The following DPP6 variants were observed in gnomAD, a reference collection of about 807,000 sequenced individuals.
DPP6 encodes A-type potassium channel modulatory protein DPP6.
DPP6 carries 69 observed loss-of-function variants against 122.6 expected under a neutral mutation model. The observed-to-expected ratio is 0.56, with a 90% CI of 0.46 to 0.69. The LOEUF (loss-of-function observed/expected upper bound fraction) is 0.69, where lower values mean the gene tolerates loss of function less well. Among genes scored for constraint, DPP6 ranks in the 30% least tolerant of loss-of-function variants. The probability of loss-of-function intolerance (pLI) is 0.00; values close to 1 mark genes in which losing one functional copy is unlikely to be tolerated. For synonymous variants in DPP6, 418 were observed against 433.1 expected, an observed-to-expected ratio of 0.97 and a Z score of 0.43; for missense variants, 928 against 1,116.9, an observed-to-expected ratio of 0.83 and a Z score of 2.41.
intron 1 of DPP6, among the ~76,000 whole-genome samples, chr7:154,209,974 A>C (rs1799653959): frequency 6.6e-6 from 1 of 152,170 alleles, no homozygotes; most frequent in South Asian, 2.1e-4. Context: ...AGAGACATCC[A>C]AGTGAGGAAG....
intron 14 of DPP6, 54 bp from the exon 15 acceptor site, chr7:154,804,863 G>T: frequency 2.6e-6 from 4 of 1,567,764 alleles, no homozygotes; most frequent in East Asian, 2.4e-5. Context: ...GGAATGTGAA[G>T]TGCAGACGTG....
chr7:153,987,854 T>C (rs1477458522), intron 1 of DPP6, among the ~76,000 whole-genome samples: 1 of 152,206 alleles, frequency 6.6e-6, no homozygotes, highest in Middle Eastern at 3.4e-3. Flanking sequence ...GGGGCCTTCG[T>C]CTGGGAAACT....
At chr7:154,427,376 ATTCTC>A (rs1818001207) in intron 1 of DPP6, among the ~76,000 whole-genome samples, 1 of 152,192 alleles carries the variant, frequency 6.6e-6, no homozygotes, top group Non-Finnish European at 1.5e-5. Flanking sequence ...TGATGCATGT[ATTCTC>A]TTTATTCTGT....
intron 1 of DPP6, among the ~76,000 whole-genome samples, chr7:154,218,090 T>A (rs1800102969): frequency 6.6e-6 from 1 of 152,196 alleles, no homozygotes; most frequent in Admixed American, 6.6e-5. Flanking sequence ...TTAAAATCCA[T>A]CCACCATCGT....
At chr7:154,003,793 G>A (rs1797787945) in intron 1 of DPP6, among the ~76,000 whole-genome samples, 1 of 152,134 alleles carries the variant, frequency 6.6e-6, no homozygotes, top group East Asian at 1.9e-4. Context: ...CCTGGGACTG[G>A]GAGGCATGGT....
chr7:154,820,732 A>G (rs1282865090), intron 16 of DPP6, among the ~76,000 whole-genome samples: 2 of 152,218 alleles, frequency 1.3e-5, no homozygotes. Flanking sequence ...TAGAGGCTTT[A>G]GAAGGAGAGA....
the DPP6 span, among the ~76,000 whole-genome samples, chr7:153,839,464 C>T: frequency 6.6e-6 from 1 of 152,170 alleles, no homozygotes; most frequent in Non-Finnish European, 1.5e-5. Context: ...GGACCCTGAA[C>T]GCTAACCAGA....
At chr7:154,781,024 G>A (rs148066259) in intron 10 of DPP6, among the ~76,000 whole-genome samples, 86 of 152,116 alleles carry the variant, frequency 5.7e-4, no homozygotes, top group African/African-American at 2.0e-3. Context: ...GTGGATGGAC[G>A]GATAGATGGA....
rs76850707 is a variant in DPP6, at chr7:154,396,167, G to A, written c.244-50047G>A. Among the ~76,000 whole-genome samples, 1,369 of 152,212 alleles carry A rather than the reference G, an allele frequency of 9.0e-3. 16 individuals carry two copies. The highest frequency in any genetic ancestry group is 0.03 in the African/African-American group (1,239 of 41,522). Reference sequence around the variant, plus strand: ...AACAATGATTATGTGCTTACTATGTGCATGACACTGTGCAAAACAATTCAT... The same window carrying A: ...AACAATGATTATGTGCTTACTATGTACATGACACTGTGCAAAACAATTCAT... On this transcript the variant is annotated intron_variant, in intron 1 of 25. Transcript: ENST00000377770.
In DPP6 at chr7:154,063,146, A is replaced by G. The variant is rs377691365; in HGVS notation, c.243+10083A>G. ...GGAGGCACCCCCCACGAGAGTGGGGACTGAGAGCTATCCCCTTTTCCGCCC... is the reference window on the plus strand; with the variant it reads ...GGAGGCACCCCCCACGAGAGTGGGGGCTGAGAGCTATCCCCTTTTCCGCCC... On this transcript the variant is annotated intron_variant, in intron 1 of 25. Transcript: ENST00000377770. Among the ~76,000 whole-genome samples the G allele has an allele frequency of 3.2e-4, 37 of 114,380 alleles. 4 individuals carry two copies. The highest frequency in any genetic ancestry group is 2.0e-3 in the Admixed American group (21 of 10,568). 75.0% of individuals were successfully genotyped at this position (114,380 alleles called of 152,430 possible). A position where few individuals can be genotyped will look rare whatever the true frequency, so the allele number is the denominator to read the frequency against.
chr7:154,553,136 C>T (rs1289480213), intron 4 of DPP6, among the ~76,000 whole-genome samples: 3 of 152,214 alleles, frequency 2.0e-5, no homozygotes, highest in Non-Finnish European at 4.4e-5. Flanking sequence ...ATAAACAAAA[C>T]ATCGACAGTG....
At chr7:154,665,047 C>T (rs1221002911) in intron 6 of DPP6, among the ~76,000 whole-genome samples, 2 of 152,182 alleles carry the variant, frequency 1.3e-5, no homozygotes, top group Non-Finnish European at 1.5e-5. Flanking sequence ...TCTTAGCACC[C>T]TCCAGTCTAT....
At chr7:154,702,833 T>A (rs1007817024) in intron 7 of DPP6, among the ~76,000 whole-genome samples, 1 of 152,254 alleles carries the variant, frequency 6.6e-6, no homozygotes, top group Non-Finnish European at 1.5e-5. Flanking sequence ...AACAGATTTT[T>A]AGTGAAGACA....
intron 1 of DPP6, chr7:154,095,508 G>GT (rs916004998): frequency 3.5e-5 from 5 of 141,384 alleles, no homozygotes; most frequent in African/African-American, 1.3e-4. Context: ...TTCAAATAAT[G>GT]TTTTTCCCCT....
chr7:154,160,480 TTG>T (rs1796924394), intron 1 of DPP6, among the ~76,000 whole-genome samples: 1 of 152,212 alleles, frequency 6.6e-6, no homozygotes, highest in Non-Finnish European at 1.5e-5. Flanking sequence ...CAGGAAGTGC[TTG>T]TGTGGTCTAC....
intron 15 of DPP6, 111 bp from the exon 16 acceptor site, chr7:154,806,883 G>A (rs750742680): frequency 5.1e-5 from 73 of 1,427,088 alleles, no homozygotes; most frequent in Non-Finnish European, 6.4e-5. Context: ...GGGGTCTGTA[G>A]CAGGGCTCCG....
chr7:153,829,196 G>A, the DPP6 span, among the ~76,000 whole-genome samples: 4 of 152,108 alleles, frequency 2.6e-5, no homozygotes, highest in Non-Finnish European at 5.9e-5. Flanking sequence ...GGCTTTCGAG[G>A]TCTGTGTAAT....
intron 1 of DPP6, among the ~76,000 whole-genome samples, chr7:153,958,429 G>A (rs560394661): frequency 6.6e-6 from 1 of 152,086 alleles, no homozygotes; most frequent in Non-Finnish European, 1.5e-5. Context: ...TATTCTCTTG[G>A]GCAGAGCTCA....
At chr7:154,553,531 T>G (rs996738004) in intron 4 of DPP6, among the ~76,000 whole-genome samples, 1 of 152,122 alleles carries the variant, frequency 6.6e-6, no homozygotes, top group Non-Finnish European at 1.5e-5. Flanking sequence ...TTAACCAAAA[T>G]CCTTAGGAAC....
Sources: allele counts gnomAD v4.1 joint callset (sites outside exome capture counted in the v4.1 genomes callset), GRCh38; gene constraint gnomAD v4.1.1; transcripts MANE v1.5; gene names NCBI Gene and HGNC (gene_info 2026-07-23, HGNC 2026-07-21).